The following GCNT2 variants were observed in gnomAD, a reference collection of about 807,000 sequenced individuals.
GCNT2 encodes glucosaminyl (N-acetyl) transferase 2 (I blood group).
Under a neutral mutation model 34.2 loss-of-function variants are expected in GCNT2, and 34 were observed. The observed-to-expected ratio is 1.00, with a 90% CI of 0.76 to 1.32. The LOEUF is 1.32. GCNT2 is among the 40% of genes most tolerant of loss of function. The pLI is 0.00. For missense variants in GCNT2, 584 were observed against 489.4 expected (o/e 1.19, Z -1.82); for synonymous variants, 212 against 188.0 (o/e 1.13, Z -1.04).
intron 3 of GCNT2, among the ~76,000 whole-genome samples, chr6:10,582,529 C>T (rs1455324915): frequency 4.3e-5 from 4 of 93,846 alleles, no homozygotes; most frequent in East Asian, 2.2e-4. Context: ...TATTATACAT[C>T]ATATATTATA....
intron 3 of GCNT2, among the ~76,000 whole-genome samples, chr6:10,585,564 G>T (rs1051295152): frequency 2.0e-5 from 3 of 152,200 alleles, no homozygotes; most frequent in African/African-American, 7.2e-5. Context: ...AGGGAGATCA[G>T]ATCAGAATAG....
At chr6:10,557,176 T>C (rs1762756113) in intron 3 of GCNT2, 4 of 1,548,958 alleles carry the variant, frequency 2.6e-6, no homozygotes, top group Non-Finnish European at 2.6e-6. Context: ...TGAAACCGCC[T>C]CCCCCCCATA....
chr6:10,529,403 C>T lies in GCNT2; in HGVS notation c.492C>T (p.Ile164=), dbSNP rs758943227. 3 of 1,614,030 alleles carry T rather than the reference C, an allele frequency of 1.9e-6. No individual in the cohort carries two copies. Among genetic ancestry groups the T allele is most frequent in the Non-Finnish European group, 2.5e-6 (3 of 1,180,036 alleles). The change falls in exon 3 of 5, where the codon ATC becomes ATT. Residue 164 remains isoleucine, a synonymous_variant. Coordinates refer to ENST00000495262, the MANE Select transcript of GCNT2 (RefSeq NM_145649.5). ...AGGAGTCGGTTGTCTATGGGGGGATCTCCAGGCTCCAGGCTGACCTGAACT... is the reference window on the plus strand; with the variant it reads ...AGGAGTCGGTTGTCTATGGGGGGATTTCCAGGCTCCAGGCTGACCTGAACT... ...SKKESVVYGG[I]SRLQADLNCL...
At chr6:10,529,975 CTGTAAAAT>C (rs1761405423) in intron 3 of GCNT2, 139 bp downstream of exon 3, 2 of 729,316 alleles carry the variant, frequency 2.7e-6, no homozygotes, top group South Asian at 1.7e-5. Context: ...AAAATTTCAT[CTGTAAAAT>C]GGTAAAATGG....
intron 3 of GCNT2, among the ~76,000 whole-genome samples, chr6:10,571,888 C>T (rs1208442546): frequency 1.3e-5 from 2 of 149,880 alleles, no homozygotes; most frequent in South Asian, 2.1e-4. Context: ...TGATGATTTG[C>T]ACGCCTGCCC....
At chr6:10,560,900 G>A (rs1175617236) in intron 3 of GCNT2, among the ~76,000 whole-genome samples, 2 of 152,148 alleles carry the variant, frequency 1.3e-5, no homozygotes, top group East Asian at 3.9e-4. Flanking sequence ...AGGTAAAGTG[G>A]TTGTCCTTCT....
chr6:10,557,001 T>G (rs1188338318), intron 3 of GCNT2: 3 of 1,613,404 alleles, frequency 1.9e-6, no homozygotes, highest in African/African-American at 2.7e-5. Flanking sequence ...GGGCAAGACT[T>G]CCCCCTGAAA....
intron 3 of GCNT2, among the ~76,000 whole-genome samples, chr6:10,592,588 G>A (rs984111999): frequency 2.6e-5 from 4 of 152,124 alleles, no homozygotes; most frequent in Non-Finnish European, 2.9e-5. Context: ...CATTTGTGAC[G>A]TTTCCAGCCA....
chr6:10,566,595 T>C (rs1167495438), intron 3 of GCNT2, among the ~76,000 whole-genome samples: 8 of 152,200 alleles, frequency 5.3e-5, no homozygotes, highest in Admixed American at 5.2e-4. Flanking sequence ...CGCCCAACCA[T>C]ATCAGTTTTG....
At chr6:10,593,710 A>C (rs1156885572) in intron 3 of GCNT2, among the ~76,000 whole-genome samples, 1 of 152,226 alleles carries the variant, frequency 6.6e-6, no homozygotes, top group African/African-American at 2.4e-5. Flanking sequence ...TGGTATATCA[A>C]AGCTATATAT....
intron 1 of GCNT2, among the ~76,000 whole-genome samples, chr6:10,526,428 C>T (rs1279709674): frequency 3.3e-5 from 5 of 152,000 alleles, no homozygotes; most frequent in East Asian, 1.9e-4. Context: ...GCTGGGTTAG[C>T]GGAAAAATCA....
intron 3 of GCNT2, among the ~76,000 whole-genome samples, chr6:10,553,862 C>A (rs1762583606): frequency 6.6e-6 from 1 of 152,230 alleles, no homozygotes; most frequent in Non-Finnish European, 1.5e-5. Context: ...CCACTGCACT[C>A]CAGCCTGGGT....
intron 3 of GCNT2, among the ~76,000 whole-genome samples, chr6:10,601,857 C>T (rs1051058806): frequency 6.7e-5 from 10 of 148,754 alleles, no homozygotes; most frequent in Middle Eastern, 3.5e-3. Context: ...AGGAGAATGG[C>T]GTGAACCCGA....
intron 3 of GCNT2, among the ~76,000 whole-genome samples, chr6:10,551,390 G>A (rs1440866791): frequency 3.3e-5 from 5 of 150,686 alleles, no homozygotes; most frequent in Non-Finnish European, 5.9e-5. Flanking sequence ...TTCTTTCCCC[G>A]CCTCTGAGAT....
intron 3 of GCNT2, among the ~76,000 whole-genome samples, chr6:10,580,462 G>A (rs768761393): frequency 1.3e-5 from 2 of 152,110 alleles, no homozygotes; most frequent in African/African-American, 2.4e-5. Context: ...TGATTATTTT[G>A]GTTGCTTGGA....
At chr6:10,565,787 G>A (rs1361243666) in intron 3 of GCNT2, among the ~76,000 whole-genome samples, 10 of 151,452 alleles carry the variant, frequency 6.6e-5, no homozygotes, top group South Asian at 6.3e-4. Context: ...TGGCGCCGTC[G>A]TCTACCCTTC....
chr6:10,543,769 G>T (rs941218144), intron 3 of GCNT2, among the ~76,000 whole-genome samples: 1 of 152,128 alleles, frequency 6.6e-6, no homozygotes, highest in South Asian at 2.1e-4. Context: ...CCCTTTGGAC[G>T]TTATTTCTTT....
At chr6:10,546,120 G>T (rs1198766806) in intron 3 of GCNT2, among the ~76,000 whole-genome samples, 1 of 152,150 alleles carries the variant, frequency 6.6e-6, no homozygotes, top group Admixed American at 6.5e-5. Flanking sequence ...ATGCTGACTT[G>T]CTGGGAATGG....
chr6:10,586,839 A>G (rs1764373793), intron 3 of GCNT2: 1 of 1,613,948 alleles, frequency 6.2e-7, no homozygotes, highest in Non-Finnish European at 8.5e-7. Context: ...CCAAAGGGCC[A>G]TTGATCTACT....
Sources: allele counts gnomAD v4.1 joint callset (sites outside exome capture counted in the v4.1 genomes callset), GRCh38; gene constraint gnomAD v4.1.1; transcripts MANE v1.5; gene names NCBI Gene and HGNC (gene_info 2026-07-23, HGNC 2026-07-21).